NRXN3: variants seen among roughly 807,000 people sequenced by gnomAD.
NRXN3 encodes the protein neurexin 3.
In NRXN3, 32 loss-of-function variants were observed where a neutral mutation model predicts 137.6. The ratio of observed to expected loss-of-function variants is 0.23; its 90% CI spans 0.18 to 0.31. NRXN3 has a LOEUF of 0.31. Among genes scored for constraint, NRXN3 ranks in the 10% least tolerant of loss-of-function variants. NRXN3 has a pLI of 1.00. For missense variants in NRXN3, 1,574 were observed against 2,062.5 expected (o/e 0.76, Z 4.59); for synonymous variants, 798 against 784.5 (o/e 1.02, Z -0.29).
At chr14:78,995,194 T>A (rs1410393751) in intron 15 of NRXN3, among the ~76,000 whole-genome samples, 1 of 152,208 alleles carries the variant, frequency 6.6e-6, no homozygotes, top group African/African-American at 2.4e-5. Context: ...TGATGATTAT[T>A]TGCATCATAT....
intron 4 of NRXN3, among the ~76,000 whole-genome samples, chr14:78,607,225 AT>A (rs1480818530): frequency 6.6e-6 from 1 of 152,170 alleles, no homozygotes; most frequent in East Asian, 1.9e-4. Flanking sequence ...CCAGTGGCAT[AT>A]TTTATTCATT....
At chr14:78,297,949 A>G (rs533432990) in intron 4 of NRXN3, 89 bp downstream of exon 4, 39 of 1,468,588 alleles carry the variant, frequency 2.7e-5, no homozygotes, top group Non-Finnish European at 3.5e-5. Context: ...CGTCACTGGC[A>G]GGCCATTCGC....
chr14:79,416,825 T>C (rs2095503738), intron 15 of NRXN3, among the ~76,000 whole-genome samples: 2 of 152,172 alleles, frequency 1.3e-5, no homozygotes, highest in Admixed American at 1.3e-4. Flanking sequence ...AAGATAACAT[T>C]ACATGGCAGT....
intron 15 of NRXN3, among the ~76,000 whole-genome samples, chr14:79,346,607 G>A (rs2092899116): frequency 6.6e-6 from 1 of 152,212 alleles, no homozygotes; most frequent in East Asian, 1.9e-4. Flanking sequence ...GATCTTGTGT[G>A]CTACCCCTCT....
chr14:79,430,521 A>C (rs1325549739), intron 15 of NRXN3, among the ~76,000 whole-genome samples: 9 of 152,220 alleles, frequency 5.9e-5, no homozygotes, highest in Non-Finnish European at 1.2e-4. Context: ...TGGCAAACAA[A>C]GGAGAAGCTA....
At chr14:78,900,658 T>G (rs1162257089) in intron 10 of NRXN3, among the ~76,000 whole-genome samples, 1 of 152,008 alleles carries the variant, frequency 6.6e-6, no homozygotes, top group Non-Finnish European at 1.5e-5. Flanking sequence ...TTTCATACCT[T>G]ACAGATGCCC....
intron 19 of NRXN3, among the ~76,000 whole-genome samples, chr14:79,705,518 T>C (rs2098774234): frequency 6.6e-6 from 1 of 152,160 alleles, no homozygotes; most frequent in African/African-American, 2.4e-5. Flanking sequence ...TAATATTGAT[T>C]TTAAAATATT....
In NRXN3 at chr14:78,248,302, GC is replaced by G. The variant is rs1177541167; in HGVS notation, c.709+4514del. Among the ~76,000 whole-genome samples the G allele has an allele frequency of 2.4e-3, 54 of 22,556 alleles. 1 individual carries two copies. The highest frequency in any genetic ancestry group is 8.4e-3 in the African/African-American group (51 of 6,102). The allele number at this position is 22,556 out of a possible 152,430, so 14.8% of individuals were successfully genotyped here. A position where few individuals can be genotyped will look rare whatever the true frequency, so the allele number is the denominator to read the frequency against. On this transcript the variant is annotated intron_variant, in intron 2 of 20. Transcript: ENST00000335750. ...CAGTAGTGACTAGCCACCGCCCCCC[GC>G]CCCCCCCCCCCCCACCCGCCACCTC...
chr14:79,532,439 G>A (rs1024209075), intron 16 of NRXN3, among the ~76,000 whole-genome samples: 1 of 152,092 alleles, frequency 6.6e-6, no homozygotes, highest in Admixed American at 6.5e-5. Flanking sequence ...CTTCACAAAG[G>A]CTTCAAAAGC....
At chr14:78,324,006 G>T (rs1379845006) in intron 4 of NRXN3, among the ~76,000 whole-genome samples, 1 of 152,032 alleles carries the variant, frequency 6.6e-6, no homozygotes, top group East Asian at 1.9e-4. Flanking sequence ...ACTATGAGCT[G>T]GGTGTATAGC....
chr14:79,209,959 G>T (rs1228748769), intron 15 of NRXN3, among the ~76,000 whole-genome samples: 2 of 152,204 alleles, frequency 1.3e-5, no homozygotes, highest in Non-Finnish European at 2.9e-5. Flanking sequence ...AAGTGAGGAA[G>T]AACCAGTTAT....
At chr14:79,709,119 G>A (rs550346640) in intron 19 of NRXN3, among the ~76,000 whole-genome samples, 113 of 152,222 alleles carry the variant, frequency 7.4e-4, no homozygotes, top group African/African-American at 2.6e-3. Context: ...TTTAATGCAC[G>A]TCCGGGGTGG....
At chr14:78,670,185 T>C (rs991469198) in intron 6 of NRXN3, among the ~76,000 whole-genome samples, 2 of 152,174 alleles carry the variant, frequency 1.3e-5, no homozygotes, top group African/African-American at 2.4e-5. Context: ...GCAAAGGACA[T>C]GAACTCATCC....
Position 78,733,801 on chromosome 14 carries a change from A to G in NRXN3, c.2044+18662A>G, listed in dbSNP as rs533932670. ...TTACCACTGTGGTTTACTACCATTCAGAGAGTATTTATTGAGACCGTATTA... is the reference window on the plus strand; with the variant it reads ...TTACCACTGTGGTTTACTACCATTCGGAGAGTATTTATTGAGACCGTATTA... On this transcript the variant is annotated intron_variant, in intron 8 of 20. Coordinates refer to ENST00000335750, the MANE Select transcript of NRXN3 (RefSeq NM_001330195.2). Among the ~76,000 whole-genome samples, 54 of 152,318 alleles carry G rather than the reference A, an allele frequency of 3.5e-4. 2 individuals are homozygous for G. In the South Asian group the frequency reaches 8.9e-3, roughly 25 times the overall value.
chr14:79,375,517 C>T (rs1177907860), intron 15 of NRXN3, among the ~76,000 whole-genome samples: 1 of 151,956 alleles, frequency 6.6e-6, no homozygotes, highest in East Asian at 1.9e-4. Flanking sequence ...TGGAGGAACA[C>T]GTGTCTCTTT....
intron 15 of NRXN3, among the ~76,000 whole-genome samples, chr14:79,008,661 C>CTT (rs372617673): frequency 0.014 from 1,769 of 130,740 alleles, 46 homozygotes; most frequent in African/African-American, 0.048. Context: ...TTTCTCTTTG[C>CTT]TTTTTTTTTT....
At chr14:79,365,108 C>T (rs1192190497) in intron 15 of NRXN3, among the ~76,000 whole-genome samples, 1 of 152,086 alleles carries the variant, frequency 6.6e-6, no homozygotes, top group Non-Finnish European at 1.5e-5. Context: ...ATCAGAATAT[C>T]ACATTTCGGG....
At position 79,686,992 on chromosome 14, in the gene NRXN3, C is replaced by T. The variant is rs1210735192; in HGVS notation, c.3617-5181C>T. 2.0e-5 allele frequency among the ~76,000 whole-genome samples: 3 copies of T among 152,282 alleles called. No individual in the cohort carries two copies. In the East Asian group the frequency reaches 5.8e-4, roughly 29 times the overall value. ...CCTTACTTAATAATGCCCTTGTGCT[C>T]TGGGTCTATTAATTTACTTCCCACA... On this transcript the variant is annotated intron_variant, in intron 17 of 20. Coordinates refer to ENST00000335750, the MANE Select transcript of NRXN3 (RefSeq NM_001330195.2).
At chr14:78,556,891 C>G (rs2096742458) in intron 4 of NRXN3, among the ~76,000 whole-genome samples, 1 of 139,198 alleles carries the variant, frequency 7.2e-6, no homozygotes, top group Admixed American at 7.1e-5. Context: ...CCCTCTTCTC[C>G]TCTCCTCTCC....
Sources: allele counts gnomAD v4.1 joint callset (sites outside exome capture counted in the v4.1 genomes callset), GRCh38; gene constraint gnomAD v4.1.1; transcripts MANE v1.5; gene names NCBI Gene and HGNC (gene_info 2026-07-23, HGNC 2026-07-21).